KIAA0040: variants seen among roughly 807,000 people sequenced by gnomAD.
KIAA0040 encodes KIAA0040.
Under a neutral mutation model 7.2 loss-of-function variants are expected in KIAA0040, and 10 were observed. The observed-to-expected ratio is 1.38, with a 90% CI of 0.85 to 2.34. The LOEUF (loss-of-function observed/expected upper bound fraction) is 2.34. KIAA0040 is among the 30% of genes most tolerant of loss of function. The pLI is 0.00. For missense variants in KIAA0040, 89 were observed against 108.2 expected (o/e 0.82, Z 0.79); for synonymous variants, 49 against 40.1 (o/e 1.22, Z -0.84).
intron 1 of KIAA0040, among the ~76,000 whole-genome samples, chr1:175,178,579 C>T (rs928649350): frequency 1.3e-5 from 2 of 152,130 alleles, no homozygotes; most frequent in African/African-American, 4.8e-5. Context: ...ACTATGTAAC[C>T]GACATAGTGC....
In KIAA0040 at chr1:175,161,062, G is replaced by A. The variant is rs1267245599; in HGVS notation, c.-49C>T. 4.7e-6 allele frequency: 7 copies of A among 1,495,652 alleles called. No individual in the cohort carries two copies. In the South Asian group the frequency reaches 6.7e-5, roughly 14 times the overall value. 92.6% of individuals were successfully genotyped at this position (1,495,652 alleles called of 1,614,324 possible). A position where few individuals can be genotyped will look rare whatever the true frequency, so the allele number is the denominator to read the frequency against. On this transcript the variant is annotated 5_prime_UTR_variant, in exon 4 of 4. Transcript: ENST00000423313. ...GAGAACCCTCTCGGCTTACAAGCAGGTCCTGGGCTCAAAAGGATGCAACCT... is the reference window on the plus strand; with the variant it reads ...GAGAACCCTCTCGGCTTACAAGCAGATCCTGGGCTCAAAAGGATGCAACCT...
At chr1:175,167,505 T>C (rs1266223592) in intron 2 of KIAA0040, among the ~76,000 whole-genome samples, 1 of 152,152 alleles carries the variant, frequency 6.6e-6, no homozygotes, top group Non-Finnish European at 1.5e-5. Flanking sequence ...GGCCCATGAA[T>C]GGCAGCCCCA....
At chr1:175,178,803 A>G (rs1242766031) in intron 1 of KIAA0040, among the ~76,000 whole-genome samples, 3 of 152,216 alleles carry the variant, frequency 2.0e-5, no homozygotes, top group African/African-American at 7.2e-5. Flanking sequence ...TCAAATACTA[A>G]TATATATGAG....
chr1:175,173,144 C>T (rs973512078), intron 2 of KIAA0040, among the ~76,000 whole-genome samples: 1 of 152,142 alleles, frequency 6.6e-6, no homozygotes, highest in Non-Finnish European at 1.5e-5. Flanking sequence ...CCCTCCTGAC[C>T]TCCAGGATCG....
chr1:175,172,011 T>C (rs1677012503), intron 2 of KIAA0040, among the ~76,000 whole-genome samples: 1 of 152,152 alleles, frequency 6.6e-6, no homozygotes, highest in Non-Finnish European at 1.5e-5. Context: ...TTAAAAAGCC[T>C]TCATGTGGAC....
chr1:175,169,819 A>G (rs1676915125), intron 2 of KIAA0040, among the ~76,000 whole-genome samples: 1 of 152,148 alleles, frequency 6.6e-6, no homozygotes. Flanking sequence ...GATTGTGTGG[A>G]GTAGGACATA....
intron 1 of KIAA0040, among the ~76,000 whole-genome samples, chr1:175,180,962 A>G (rs1319647290): frequency 6.6e-6 from 1 of 152,216 alleles, no homozygotes; most frequent in African/African-American, 2.4e-5. Context: ...CTCCTGCCTC[A>G]GCTTCCCAAA....
rs74890914 is a variant in KIAA0040, at chr1:175,161,492, G to A, written c.-133-346C>T. 2.0e-3 allele frequency among the ~76,000 whole-genome samples: 298 copies of A among 152,312 alleles called. 1 individual carries two copies. Among genetic ancestry groups the A allele is most frequent in the African/African-American group, 6.9e-3 (287 of 41,562 alleles). On this transcript the variant is annotated intron_variant, in intron 3 of 3. Coordinates refer to ENST00000423313, the MANE Select transcript of KIAA0040 (RefSeq NM_014656.3). ...TTCCCTGGACCCTTCTGCAACAGCA[G>A]TTCTCAATCTTTTTTCCACTGTAGC...
intron 1 of KIAA0040, among the ~76,000 whole-genome samples, chr1:175,190,445 GC>G (rs2101916495): frequency 6.6e-6 from 1 of 152,202 alleles, no homozygotes; most frequent in South Asian, 2.1e-4. Flanking sequence ...CATTTCCTGG[GC>G]ATATTCAACT....
chr1:175,162,893 ATAGGAT>A (rs1419033360), intron 3 of KIAA0040, among the ~76,000 whole-genome samples: 2 of 152,260 alleles, frequency 1.3e-5, no homozygotes, highest in African/African-American at 4.8e-5. Context: ...AAGAAATGTT[ATAGGAT>A]GACAATAATA....
intron 1 of KIAA0040, among the ~76,000 whole-genome samples, chr1:175,184,253 T>C (rs944207652): frequency 6.6e-6 from 1 of 152,158 alleles, no homozygotes; most frequent in African/African-American, 2.4e-5. Context: ...TAACAAACCT[T>C]AACTGAAATG....
At position 175,161,026 on chromosome 1, in the gene KIAA0040, G is replaced by T. The variant is rs1285161520; in HGVS notation, c.-13C>A. 5 of 1,542,580 alleles carry T rather than the reference G, an allele frequency of 3.2e-6. No homozygotes were observed. Among genetic ancestry groups the T allele is most frequent in the Admixed American group, 2.0e-5 (1 of 50,262 alleles). ...TGATTCTCTCCATGGTGCTTGGCTA[G>T]ATTAGGGCCAGAGAACCCTCTCGGC... On this transcript the variant is annotated 5_prime_UTR_variant, in exon 4 of 4. Transcript: ENST00000423313.
chr1:175,164,779 A>C (rs1172258693), intron 3 of KIAA0040, among the ~76,000 whole-genome samples: 2 of 152,198 alleles, frequency 1.3e-5, no homozygotes, highest in African/African-American at 4.8e-5. Flanking sequence ...GAGCTCTGCT[A>C]ATCTATAGTG....
At position 175,158,092 on chromosome 1, in the gene KIAA0040, T is replaced by C. The variant is rs1175983890; in HGVS notation, c.*2622A>G. Reference sequence around the variant, plus strand: ...GAAAGAAGAGAGTGGATATCAACAATGGCCTTAGGCTCCTTTCATGCACCT... The same window carrying C: ...GAAAGAAGAGAGTGGATATCAACAACGGCCTTAGGCTCCTTTCATGCACCT... On this transcript the variant is annotated 3_prime_UTR_variant, in exon 4 of 4. Coordinates refer to ENST00000423313, the MANE Select transcript of KIAA0040 (RefSeq NM_014656.3). 6.6e-6 allele frequency: 1 copy of C among 152,318 alleles called. No homozygotes were observed. Among genetic ancestry groups the C allele is most frequent in the Non-Finnish European group, 1.5e-5 (1 of 68,130 alleles). The allele number at this position is 152,318 out of a possible 1,614,324, so 9.4% of individuals were successfully genotyped here.
chr1:175,185,966 T>C (rs985279842), intron 1 of KIAA0040, among the ~76,000 whole-genome samples: 2 of 152,212 alleles, frequency 1.3e-5, no homozygotes, highest in African/African-American at 2.4e-5. Flanking sequence ...TCCATTAATA[T>C]GAAATATCTA....
At chr1:175,173,820 T>A (rs1319357208) in intron 2 of KIAA0040, among the ~76,000 whole-genome samples, 1 of 152,240 alleles carries the variant, frequency 6.6e-6, no homozygotes, top group Non-Finnish European at 1.5e-5. Context: ...ACTCCATATA[T>A]GCTGGGGCCC....
At position 175,163,078 on chromosome 1, in the gene KIAA0040, G is replaced by A. The variant is rs75830230; in HGVS notation, c.-133-1932C>T. Among the ~76,000 whole-genome samples, 119 of 152,258 alleles carry A rather than the reference G, an allele frequency of 7.8e-4. 1 individual carries two copies. The highest frequency in any genetic ancestry group is 2.6e-3 in the African/African-American group (110 of 41,554). On this transcript the variant is annotated intron_variant, in intron 3 of 3. Coordinates refer to ENST00000423313, the MANE Select transcript of KIAA0040 (RefSeq NM_014656.3). The stretch of plus-strand genomic sequence containing the variant: ...CACACGGTGAGTGAGTGCCAGAGCC[G>A]GTCTCACTCATTCTGGAGAGTTTGG...
intron 3 of KIAA0040, among the ~76,000 whole-genome samples, chr1:175,161,495 C>T (rs1202944284): frequency 6.6e-6 from 1 of 152,180 alleles, no homozygotes; most frequent in African/African-American, 2.4e-5. Flanking sequence ...AACAGCAGTT[C>T]TCAATCTTTT....
intron 2 of KIAA0040, among the ~76,000 whole-genome samples, chr1:175,174,889 A>T (rs1677125077): frequency 6.6e-6 from 1 of 152,146 alleles, no homozygotes; most frequent in South Asian, 2.1e-4. Flanking sequence ...GGTTACAGTG[A>T]ACTATCTTGG....
Sources: gnomAD v4.1 joint callset for allele counts (sites outside exome capture counted in the v4.1 genomes callset) on GRCh38, gnomAD v4.1.1 for gene constraint, MANE v1.5 for transcripts, NCBI Gene and HGNC (gene_info 2026-07-23, HGNC 2026-07-21) for gene names.